MAN2A1: variants seen among roughly 807,000 people sequenced by gnomAD.
The protein encoded by MAN2A1 is mannosidase alpha class 2A member 1.
Under a neutral mutation model 142.6 loss-of-function variants are expected in MAN2A1, and 76 were observed. The observed-to-expected ratio is 0.53, with a 90% CI of 0.44 to 0.65. The LOEUF (loss-of-function observed/expected upper bound fraction) is 0.65, where lower values mean the gene tolerates loss of function less well. Among genes scored for constraint, MAN2A1 ranks in the 30% least tolerant of loss-of-function variants. The probability of loss-of-function intolerance (pLI) is 0.00; values close to 1 mark genes in which losing one functional copy is unlikely to be tolerated. For missense variants in MAN2A1, 1,311 were observed against 1,365.1 expected, an observed-to-expected ratio of 0.96 and a Z score of 0.62; for synonymous variants, 559 against 473.2, an observed-to-expected ratio of 1.18 and a Z score of -2.35.
intron 16 of MAN2A1, among the ~76,000 whole-genome samples, chr5:109,833,627 C>CCGG (rs1754986308): frequency 6.7e-6 from 1 of 149,756 alleles, no homozygotes; most frequent in Non-Finnish European, 1.5e-5. Context: ...GCACTACAGT[C>CCGG]CGGCCTCTGC....
intron 1 of MAN2A1, among the ~76,000 whole-genome samples, chr5:109,708,312 A>G (rs1043718566): frequency 1.3e-5 from 2 of 152,090 alleles, no homozygotes; most frequent in Non-Finnish European, 2.9e-5. Flanking sequence ...GGAACTTTAC[A>G]AGGTCAGTTT....
intron 14 of MAN2A1, among the ~76,000 whole-genome samples, 165 bp from the exon 15 acceptor site, chr5:109,820,055 C>T (rs553341920): frequency 6.6e-6 from 1 of 152,308 alleles, no homozygotes; most frequent in Non-Finnish European, 1.5e-5. Context: ...ACTTGCTGCT[C>T]ACATGTATAG....
intron 9 of MAN2A1, among the ~76,000 whole-genome samples, chr5:109,784,270 T>A (rs994041810): frequency 6.6e-6 from 1 of 152,184 alleles, no homozygotes; most frequent in Non-Finnish European, 1.5e-5. Context: ...TTTCTGCCTC[T>A]CCTCTCCTCT....
At chr5:109,854,092 C>G (rs997293207) in intron 19 of MAN2A1, 2 of 152,108 alleles carry the variant, frequency 1.3e-5, no homozygotes. Flanking sequence ...AGTAGCCAAG[C>G]CTTTTATCTG....
rs143554161 is a variant in MAN2A1, at chr5:109,727,288, G to A, written c.536-2054G>A. ...TGTTGGCAGGGTTGATTTCTTTTGA[G>A]GTCATCTCTCCTTGGCTTGTTGATG... On this transcript the variant is annotated intron_variant, in intron 3 of 21. Transcript: ENST00000261483. Among the ~76,000 whole-genome samples the A allele has an allele frequency of 1.7e-3, 265 of 152,144 alleles. 1 individual carries two copies. The highest frequency in any genetic ancestry group is 0.014 in the Middle Eastern group (4 of 294).
rs145039141 is a variant in MAN2A1 at position 109,701,201 on chromosome 5, A to T, written c.135+10649A>T. Among the ~76,000 whole-genome samples, 1,085 of 152,334 alleles carry T rather than the reference A, an allele frequency of 7.1e-3. 4 individuals carry two copies. The highest frequency in any genetic ancestry group is 0.012 in the Non-Finnish European group (810 of 68,024). Reference sequence around the variant, plus strand: ...GACAAAGGCCTTAAAGAGAACTCAAAAACAGAAACAAGTTTTGGTGATGGC... The same window carrying T: ...GACAAAGGCCTTAAAGAGAACTCAATAACAGAAACAAGTTTTGGTGATGGC... On this transcript the variant is annotated intron_variant, in intron 1 of 21. Transcript: ENST00000261483.
intron 5 of MAN2A1, among the ~76,000 whole-genome samples, chr5:109,762,484 C>T (rs1752878433): frequency 6.6e-6 from 1 of 152,068 alleles, no homozygotes; most frequent in Non-Finnish European, 1.5e-5. Flanking sequence ...TGAGTGGCAG[C>T]GAGGCCTCTT....
intron 10 of MAN2A1, among the ~76,000 whole-genome samples, chr5:109,788,631 G>T (rs1385190974): frequency 6.6e-6 from 1 of 151,736 alleles, no homozygotes; most frequent in Non-Finnish European, 1.5e-5. Flanking sequence ...AGTTATTGGG[G>T]TGATCCTACT....
rs202022588 is a variant in MAN2A1 at position 109,690,373 on chromosome 5, C to A, written c.-45C>A. ...TCCTAGAGTCCACAGTGCGCTGTCT[C>A]CTTTGGCTGAGGAGAGTGTCCTGGC... On this transcript the variant is annotated 5_prime_UTR_variant, in exon 1 of 22. Coordinates refer to ENST00000261483, the MANE Select transcript of MAN2A1 (RefSeq NM_002372.4). 9.3e-6 allele frequency: 15 copies of A among 1,612,176 alleles called. No individual in the cohort carries two copies. Among genetic ancestry groups the A allele is most frequent in the Non-Finnish European group, 1.2e-5 (14 of 1,178,396 alleles).
At chr5:109,706,389 C>G (rs569342642) in intron 1 of MAN2A1, among the ~76,000 whole-genome samples, 1 of 152,322 alleles carries the variant, frequency 6.6e-6, no homozygotes, top group East Asian at 1.9e-4. Context: ...TGCAATAATA[C>G]TTTCTTCACT....
chr5:109,835,491 A>G (rs1755032106), intron 16 of MAN2A1, among the ~76,000 whole-genome samples: 1 of 152,204 alleles, frequency 6.6e-6, no homozygotes, highest in South Asian at 2.1e-4. Context: ...TAGCTATGTT[A>G]AATTTCAGTT....
At chr5:109,811,602 GTGTGTC>G (rs1383569290) in intron 12 of MAN2A1, among the ~76,000 whole-genome samples, 6 of 140,168 alleles carry the variant, frequency 4.3e-5, no homozygotes, top group Non-Finnish European at 6.3e-5. Flanking sequence ...GTGTGTGTGT[GTGTGTC>G]TGTGTCTGTG....
At chr5:109,724,652 A>G (rs1330785846) in intron 3 of MAN2A1, among the ~76,000 whole-genome samples, 1 of 152,080 alleles carries the variant, frequency 6.6e-6, no homozygotes, top group Non-Finnish European at 1.5e-5. Context: ...TTTTGAGTGG[A>G]ATTAATATAC....
chr5:109,743,892 G>C (rs79517803), intron 4 of MAN2A1, among the ~76,000 whole-genome samples: 2,806 of 152,180 alleles, frequency 0.018, 34 homozygotes, highest in Middle Eastern at 0.072. Flanking sequence ...TTTTCTGTCT[G>C]ATTCCTCCCG....
chr5:109,785,862 G>A (rs542553258), intron 10 of MAN2A1, among the ~76,000 whole-genome samples: 1 of 152,106 alleles, frequency 6.6e-6, no homozygotes, highest in Non-Finnish European at 1.5e-5. Context: ...TTTTCTTAAA[G>A]AATAGATTTT....
intron 12 of MAN2A1, among the ~76,000 whole-genome samples, chr5:109,800,192 T>C (rs1211817694): frequency 6.6e-6 from 1 of 152,100 alleles, no homozygotes; most frequent in Non-Finnish European, 1.5e-5. Context: ...GCCTGATAAA[T>C]TTCTGATTGT....
chr5:109,758,486 G>A (rs79862659), intron 5 of MAN2A1, among the ~76,000 whole-genome samples: 2,792 of 151,394 alleles, frequency 0.018, 33 homozygotes, highest in Middle Eastern at 0.066. Flanking sequence ...TCACTTTCTT[G>A]AAGGTGTCTT....
At chr5:109,803,491 T>C (rs115352336) in intron 12 of MAN2A1, among the ~76,000 whole-genome samples, 1 of 152,150 alleles carries the variant, frequency 6.6e-6, no homozygotes, top group African/African-American at 2.4e-5. Flanking sequence ...TTGTTTCTTA[T>C]AAATAACATC....
intron 1 of MAN2A1, among the ~76,000 whole-genome samples, chr5:109,701,565 G>C (rs769541657): frequency 6.6e-6 from 1 of 152,120 alleles, no homozygotes; most frequent in African/African-American, 2.4e-5. Flanking sequence ...TTTCAGACCT[G>C]GAAAGGAGCT....
Sources: allele counts gnomAD v4.1 joint callset (sites outside exome capture counted in the v4.1 genomes callset), GRCh38; gene constraint gnomAD v4.1.1; transcripts MANE v1.5; gene names NCBI Gene and HGNC (gene_info 2026-07-23, HGNC 2026-07-21).